Variants in ADGRG7 observed in about 807,000 individuals in gnomAD.
ADGRG7 encodes G-protein coupled receptor 128.
A neutral mutation model predicts 88.6 loss-of-function variants in ADGRG7; 82 were observed. The ratio of observed to expected loss-of-function variants is 0.93; its 90% CI spans 0.77 to 1.11. The LOEUF (loss-of-function observed/expected upper bound fraction) is 1.11, where lower values mean the gene tolerates loss of function less well. ADGRG7 is among the 50% of genes most tolerant of loss of function. The pLI is 0.00. For synonymous variants in ADGRG7, 381 were observed against 345.2 expected, an observed-to-expected ratio of 1.10 and a Z score of -1.15; for missense variants, 945 against 953.4, an observed-to-expected ratio of 0.99 and a Z score of 0.12.
At chr3:100,693,732 T>C (rs186435942) in intron 15 of ADGRG7, among the ~76,000 whole-genome samples, 351 of 152,358 alleles carry the variant, frequency 2.3e-3, no homozygotes, top group African/African-American at 8.1e-3. Context: ...ACATATTCTT[T>C]GTCCAGCTTT....
chr3:100,695,231 CAAGAG>C lies in ADGRG7; in HGVS notation c.*231_*235del. 1 of 495,386 alleles carries C rather than the reference CAAGAG, an allele frequency of 2.0e-6. No individual in the cohort carries two copies. The highest frequency in any genetic ancestry group is 3.6e-6 in the Non-Finnish European group (1 of 281,174). 30.7% of individuals were successfully genotyped at this position (495,386 alleles called of 1,614,324 possible). A position where few individuals can be genotyped will look rare whatever the true frequency, so the allele number is the denominator to read the frequency against. On this transcript the variant is annotated 3_prime_UTR_variant, in exon 16 of 16. Coordinates refer to ENST00000273352, the MANE Select transcript of ADGRG7 (RefSeq NM_032787.3). ...AAGGTGAAGAATTTCACACAACATA[CAAGAG>C]TACCATTGTTCCTTATATCGTTAAA...
chr3:100,643,711 G>A (rs1038494882), intron 8 of ADGRG7, 78 bp downstream of exon 8: 23 of 925,078 alleles, frequency 2.5e-5, no homozygotes, highest in Non-Finnish European at 3.9e-5. Context: ...TACTCTAGGA[G>A]AAATAATGTC....
chr3:100,621,963 TG>T (rs935054636), intron 1 of ADGRG7, among the ~76,000 whole-genome samples: 3 of 152,188 alleles, frequency 2.0e-5, no homozygotes, highest in Non-Finnish European at 4.4e-5. Flanking sequence ...TTCAGATCAT[TG>T]GGTATTAGAC....
chr3:100,659,156 G>A (rs2094941645), intron 13 of ADGRG7, among the ~76,000 whole-genome samples: 1 of 152,094 alleles, frequency 6.6e-6, no homozygotes, highest in South Asian at 2.1e-4. Context: ...ATCAAGGCTG[G>A]GTGCAGTGGC....
chr3:100,643,457 A>T, intron 7 of ADGRG7, 52 bp downstream of exon 7: 1 of 1,609,336 alleles, frequency 6.2e-7, no homozygotes. Context: ...TCTGCTACTG[A>T]TGATGAATAA....
chr3:100,690,978 C>T (rs1035243950), intron 15 of ADGRG7, among the ~76,000 whole-genome samples: 37 of 152,236 alleles, frequency 2.4e-4, no homozygotes, highest in Admixed American at 6.5e-4. Context: ...CCTACAGAGG[C>T]AGGCAGGCCT....
intron 15 of ADGRG7, among the ~76,000 whole-genome samples, chr3:100,694,052 G>C (rs970340512): frequency 6.6e-6 from 1 of 152,164 alleles, no homozygotes; most frequent in Non-Finnish European, 1.5e-5. Context: ...AAACTACTTA[G>C]TTTATCTGAA....
rs983627151 is a variant in ADGRG7 at position 100,655,053 on chromosome 3, T to C, written c.1598T>C (p.Leu533Pro). ...ATGTGCACTGCGATTGCCGCCTTAC[T>C]GCACTATTTTCTGTTAGTGACATTT... ...NPMCTAIAAL[L>P]HYFLLVTFTW... Residue 533 changes from leucine to proline, a missense_variant, in exon 12 of 16, where the codon CTG (leucine) becomes CCG (proline). Transcript: ENST00000273352. 1.2e-6 allele frequency: 2 copies of C among 1,614,080 alleles called. No homozygotes were observed. Among genetic ancestry groups the C allele is most frequent in the Non-Finnish European group, 1.7e-6 (2 of 1,180,020 alleles).
chr3:100,656,474 A>C lies in ADGRG7; in HGVS notation c.1823+479A>C, dbSNP rs564250523. Among the ~76,000 whole-genome samples the C allele has an allele frequency of 6.6e-5, 10 of 152,324 alleles. No homozygotes were observed. In the East Asian group the frequency reaches 1.5e-3, roughly 23 times the overall value. On this transcript the variant is annotated intron_variant, in intron 13 of 15. Coordinates refer to ENST00000273352, the MANE Select transcript of ADGRG7 (RefSeq NM_032787.3). ...ATATGATTTTAATGAATATTTCATG[A>C]TGATTTATCATACATAACAAATTCT...
intron 1 of ADGRG7, among the ~76,000 whole-genome samples, chr3:100,621,158 C>T (rs1382244513): frequency 6.6e-6 from 1 of 152,032 alleles, no homozygotes; most frequent in East Asian, 1.9e-4. Flanking sequence ...CTTCTCAGGC[C>T]TCTCTATTCC....
intron 14 of ADGRG7, among the ~76,000 whole-genome samples, chr3:100,665,842 G>A (rs1244842066): frequency 6.6e-6 from 1 of 152,094 alleles, no homozygotes; most frequent in Non-Finnish European, 1.5e-5. Context: ...GATAGACTAT[G>A]GTTCATAAAT....
At chr3:100,629,240 T>G (rs1707422006) in intron 1 of ADGRG7, among the ~76,000 whole-genome samples, 1 of 151,992 alleles carries the variant, frequency 6.6e-6, no homozygotes, top group African/African-American at 2.4e-5. Flanking sequence ...TATGTGTTTT[T>G]ACTGTACTTA....
chr3:100,676,726 G>A (rs551497080), intron 15 of ADGRG7, among the ~76,000 whole-genome samples: 6 of 152,044 alleles, frequency 3.9e-5, no homozygotes, highest in African/African-American at 1.2e-4. Flanking sequence ...TGTCGTATTA[G>A]GGTATATATC....
At chr3:100,667,242 C>G (rs1175846561) in intron 14 of ADGRG7, among the ~76,000 whole-genome samples, 1 of 151,986 alleles carries the variant, frequency 6.6e-6, no homozygotes, top group Non-Finnish European at 1.5e-5. Flanking sequence ...AGGTTTGTTA[C>G]ATAGGTATAC....
At chr3:100,674,145 T>A (rs2094962009) in intron 15 of ADGRG7, among the ~76,000 whole-genome samples, 4 of 152,132 alleles carry the variant, frequency 2.6e-5, no homozygotes, top group African/African-American at 7.2e-5. Flanking sequence ...TGTCTGCCTG[T>A]TTTGTTTCTG....
chr3:100,669,042 A>G lies in ADGRG7; in HGVS notation c.2073A>G (p.Leu691=), dbSNP rs1434543574. ...GITWILAYLM[L]VNDDSIRIVF... ...CCTGGATTCTAGCATACCTGATGCT[A>G]GTTAATGATGATAGCATCAGGATCG... Residue 691 remains leucine, a synonymous_variant, in exon 15 of 16, where the codon CTA becomes CTG. Coordinates refer to ENST00000273352, the MANE Select transcript of ADGRG7 (RefSeq NM_032787.3). 15 of 1,605,612 alleles carry G rather than the reference A, an allele frequency of 9.3e-6. No homozygotes were observed. The highest frequency in any genetic ancestry group is 1.3e-5 in the Non-Finnish European group (15 of 1,176,270).
chr3:100,613,036 C>T (rs1057300241), intron 1 of ADGRG7, among the ~76,000 whole-genome samples: 1 of 152,082 alleles, frequency 6.6e-6, no homozygotes, highest in Non-Finnish European at 1.5e-5. Flanking sequence ...ACTACAGGCA[C>T]TCACCACCAC....
intron 6 of ADGRG7, among the ~76,000 whole-genome samples, chr3:100,640,949 A>C (rs895811788): frequency 1.4e-4 from 22 of 152,150 alleles, no homozygotes; most frequent in Non-Finnish European, 3.2e-4. Context: ...CCTAGCACTG[A>C]CCACCTGTAC....
intron 15 of ADGRG7, among the ~76,000 whole-genome samples, chr3:100,691,301 C>T (rs1196570350): frequency 3.9e-5 from 6 of 152,204 alleles, no homozygotes; most frequent in Non-Finnish European, 8.8e-5. Flanking sequence ...TCCCTGACCC[C>T]TTGTGCTTCC....
Sources: allele counts gnomAD v4.1 joint callset (sites outside exome capture counted in the v4.1 genomes callset), GRCh38; gene constraint gnomAD v4.1.1; transcripts MANE v1.5; gene names NCBI Gene and HGNC (gene_info 2026-07-23, HGNC 2026-07-21).